EYS: variants seen among roughly 807,000 people sequenced by gnomAD.
The protein encoded by EYS is protein eyes shut homolog.
EYS carries 250 observed loss-of-function variants against 282.1 expected under a neutral mutation model. The observed-to-expected ratio is 0.89, with a 90% confidence interval of 0.80 to 0.98. EYS has a LOEUF of 0.98. Ranked by LOEUF, EYS falls within the 50% of genes least tolerant of loss-of-function variation. EYS has a pLI of 0.00. For missense variants in EYS, 4,016 were observed against 3,709.0 expected (o/e 1.08, Z -2.15); for synonymous variants, 1,355 against 1,282.9 (o/e 1.06, Z -1.20).
intron 33 of EYS, among the ~76,000 whole-genome samples, chr6:64,054,324 C>A (rs1770911005): frequency 6.6e-6 from 1 of 151,966 alleles, no homozygotes; most frequent in African/African-American, 2.4e-5. Context: ...GCATAAGGTA[C>A]AATTTCATAG....
intron 2 of EYS, among the ~76,000 whole-genome samples, chr6:65,505,606 T>G (rs1248640346): frequency 6.6e-6 from 1 of 152,104 alleles, no homozygotes; most frequent in Non-Finnish European, 1.5e-5. Flanking sequence ...TCATTTTCAT[T>G]TAGTTCAAAA....
chr6:64,731,271 T>C (rs918303014), intron 22 of EYS, among the ~76,000 whole-genome samples: 1 of 151,934 alleles, frequency 6.6e-6, no homozygotes, highest in African/African-American at 2.4e-5. Context: ...AAGCCCCAGT[T>C]GACATATGGG....
chr6:64,876,132 A>T (rs577812769), intron 19 of EYS, among the ~76,000 whole-genome samples: 2 of 152,164 alleles, frequency 1.3e-5, no homozygotes, highest in Non-Finnish European at 2.9e-5. Flanking sequence ...TTACTTTGTA[A>T]TATTACATCA....
chr6:65,521,345 C>G (rs934602765), intron 2 of EYS, among the ~76,000 whole-genome samples: 2 of 152,198 alleles, frequency 1.3e-5, no homozygotes, highest in Admixed American at 6.5e-5. Flanking sequence ...TTACTGAACA[C>G]AGTTTCCCCA....
At chr6:64,009,074 T>G (rs1768481994) in intron 33 of EYS, among the ~76,000 whole-genome samples, 1 of 152,226 alleles carries the variant, frequency 6.6e-6, no homozygotes, top group South Asian at 2.1e-4. Flanking sequence ...TGTTGCTTGC[T>G]TTCTCTCCTG....
At position 65,126,596 on chromosome 6, in the gene EYS, G is replaced by C. The variant is rs536413138; in HGVS notation, c.2024-68869C>G. Among the ~76,000 whole-genome samples the C allele has an allele frequency of 7.8e-4, 119 of 152,226 alleles. 1 individual carries two copies. Among genetic ancestry groups the C allele is most frequent in the African/African-American group, 2.8e-3 (115 of 41,550 alleles). On this transcript the variant is annotated intron_variant, in intron 12 of 42. Transcript: ENST00000503581. Reference sequence around the variant, plus strand: ...CACAGATTTTTGGGCCCACTCCACAGATAAGTTGGTGTAGGGCCCACAAAA... The same window carrying C: ...CACAGATTTTTGGGCCCACTCCACACATAAGTTGGTGTAGGGCCCACAAAA...
chr6:64,373,286 C>G (rs1178625010), intron 29 of EYS, among the ~76,000 whole-genome samples: 1 of 151,948 alleles, frequency 6.6e-6, no homozygotes, highest in East Asian at 1.9e-4. Flanking sequence ...TATAGGTGTG[C>G]TTGGTTGAAT....
chr6:65,117,505 A>G (rs192589355), intron 12 of EYS, among the ~76,000 whole-genome samples: 10 of 152,238 alleles, frequency 6.6e-5, no homozygotes, highest in Admixed American at 6.5e-4. Flanking sequence ...ACATTACCCA[A>G]AATATCTGTC....
At chr6:65,399,085 C>T (rs951706460) in intron 7 of EYS, among the ~76,000 whole-genome samples, 1 of 152,056 alleles carries the variant, frequency 6.6e-6, no homozygotes, top group East Asian at 1.9e-4. Flanking sequence ...GGGCTACATA[C>T]TCATAGTAGC....
chr6:64,786,102 A>C (rs944061527), intron 22 of EYS, among the ~76,000 whole-genome samples: 5 of 152,166 alleles, frequency 3.3e-5, no homozygotes, highest in Non-Finnish European at 5.9e-5. Flanking sequence ...TTCTAGCAGA[A>C]TATAACTCAG....
intron 28 of EYS, among the ~76,000 whole-genome samples, chr6:64,413,947 C>T (rs115097234): frequency 6.6e-6 from 1 of 152,136 alleles, no homozygotes; most frequent in Non-Finnish European, 1.5e-5. Context: ...TTCACCTTCT[C>T]CACCACATAA....
At chr6:65,271,923 GC>G (rs1401952562) in intron 12 of EYS, among the ~76,000 whole-genome samples, 3 of 152,100 alleles carry the variant, frequency 2.0e-5, no homozygotes, top group African/African-American at 7.2e-5. Context: ...GAGACCATGA[GC>G]TCTACCTTCA....
At chr6:65,455,683 CT>C (rs1764578416) in intron 5 of EYS, among the ~76,000 whole-genome samples, 1 of 152,018 alleles carries the variant, frequency 6.6e-6, no homozygotes, top group Non-Finnish European at 1.5e-5. Context: ...TACGTACACT[CT>C]GCTAAGATTA....
In EYS at chr6:65,405,452, G is replaced by C. The variant is rs1190951663; in HGVS notation, c.863-85C>G. ...CATAGATATGTAGCAAAACATTCTA[G>C]AAAATTTCTCTAGAGTTTATGAAAT... On this transcript the variant is annotated intron_variant, in intron 5 of 42. Coordinates refer to ENST00000503581, the MANE Select transcript of EYS (RefSeq NM_001142800.2). 5 of 1,077,458 alleles carry C rather than the reference G, an allele frequency of 4.6e-6. No homozygotes were observed. In the African/African-American group the frequency reaches 8.0e-5, roughly 17 times the overall value. The allele number at this position is 1,077,458 out of a possible 1,614,324, so 66.7% of individuals were successfully genotyped here.
chr6:64,983,827 C>G (rs1159866705), intron 14 of EYS, among the ~76,000 whole-genome samples: 1 of 151,178 alleles, frequency 6.6e-6, no homozygotes, highest in Non-Finnish European at 1.5e-5. Context: ...AGTCCTTAAA[C>G]AGAAAAGTCA....
chr6:65,375,168 C>T (rs1003572092), intron 8 of EYS, among the ~76,000 whole-genome samples: 4 of 152,114 alleles, frequency 2.6e-5, no homozygotes, highest in South Asian at 2.1e-4. Flanking sequence ...CCCTCTGGGA[C>T]GAAGCTTCCA....
chr6:64,220,838 A>G (rs1326875881), intron 31 of EYS, among the ~76,000 whole-genome samples: 2 of 152,144 alleles, frequency 1.3e-5, no homozygotes, highest in South Asian at 2.1e-4. Flanking sequence ...TTGGATTCCA[A>G]TCTCAATTCC....
At chr6:65,098,995 C>A (rs1334341191) in intron 12 of EYS, among the ~76,000 whole-genome samples, 1 of 150,388 alleles carries the variant, frequency 6.6e-6, no homozygotes, top group East Asian at 1.9e-4. Flanking sequence ...AAGCCATTTG[C>A]AATGTAAATG....
intron 12 of EYS, among the ~76,000 whole-genome samples, chr6:65,136,097 T>C (rs906445397): frequency 3.3e-5 from 5 of 152,050 alleles, no homozygotes; most frequent in African/African-American, 1.2e-4. Context: ...AAAAAATTCC[T>C]GTCAATGTGG....
Sources: gnomAD v4.1 joint callset for allele counts (sites outside exome capture counted in the v4.1 genomes callset) on GRCh38, gnomAD v4.1.1 for gene constraint, MANE v1.5 for transcripts, NCBI Gene and HGNC (gene_info 2026-07-23, HGNC 2026-07-21) for gene names.